The following TRMT9B variants were observed in gnomAD, a reference collection of about 807,000 sequenced individuals.
TRMT9B encodes tRNA methyltransferase 9B (putative).
In TRMT9B, 16 loss-of-function variants were observed where a neutral mutation model predicts 11.5. The observed-to-expected ratio is 1.39, with a 90% CI of 0.94 to 2.11. The LOEUF is 2.11. TRMT9B is among the 30% of genes most tolerant of loss of function. The pLI, the probability that TRMT9B is intolerant of heterozygous loss-of-function variation, is 0.00. For missense variants in TRMT9B, 941 were observed against 553.8 expected (o/e 1.70, Z -7.02); for synonymous variants, 274 against 192.4 (o/e 1.42, Z -3.51).
intron 2 of TRMT9B, among the ~76,000 whole-genome samples, chr8:12,997,884 C>G (rs1808654885): frequency 1.3e-5 from 2 of 152,176 alleles, no homozygotes; most frequent in Admixed American, 1.3e-4. Context: ...TTAGAACTCA[C>G]CGATTCCATG....
At chr8:12,950,182 A>T (rs922131208) in intron 1 of TRMT9B, among the ~76,000 whole-genome samples, 3 of 152,156 alleles carry the variant, frequency 2.0e-5, no homozygotes, top group Non-Finnish European at 4.4e-5. Context: ...TCTAAATCAG[A>T]CATTGGACAC....
chr8:12,991,008 T>C lies in TRMT9B; in HGVS notation c.-25T>C. The C allele has an allele frequency of 7.8e-7, 1 of 1,274,060 alleles. No individual in the cohort carries two copies. The highest frequency in any genetic ancestry group is 1.0e-6 in the Non-Finnish European group (1 of 980,004). The allele number at this position is 1,274,060 out of a possible 1,614,324, so 78.9% of individuals were successfully genotyped here. On this transcript the variant is annotated 5_prime_UTR_variant, in exon 2 of 5. Transcript: ENST00000524591. ...GATTCACAAAGACAAGAGGTAATTTTCCTGTAATCACAGGATGACTCAGGT... is the reference window on the plus strand; with the variant it reads ...GATTCACAAAGACAAGAGGTAATTTCCCTGTAATCACAGGATGACTCAGGT...
rs1457772302 is a variant in TRMT9B at position 12,967,872 on chromosome 8, A to G, written c.-200+21906A>G. Among the ~76,000 whole-genome samples, 3 of 152,332 alleles carry G rather than the reference A, an allele frequency of 2.0e-5. No individual in the cohort carries two copies. The East Asian group carries it at 5.8e-4, about 29-fold the overall frequency. On this transcript the variant is annotated intron_variant, in intron 1 of 4. Transcript: ENST00000524591. ...AAGGTCCTTATTATACAGCTGCTAA[A>G]AAAGAGAACAGTCTTCTAATTTGTT...
chr8:13,008,843 C>A (rs1427335974), intron 3 of TRMT9B, among the ~76,000 whole-genome samples: 1 of 152,168 alleles, frequency 6.6e-6, no homozygotes, highest in African/African-American at 2.4e-5. Flanking sequence ...ATTCTCCTGC[C>A]TCAGCCTCCC....
At chr8:13,006,469 A>G (rs1174355247) in intron 3 of TRMT9B, 113 bp downstream of exon 3, 1 of 1,566,020 alleles carries the variant, frequency 6.4e-7, no homozygotes, top group African/African-American at 1.3e-5. Context: ...CATTGCTGTC[A>G]TAGGTAACCC....
intron 2 of TRMT9B, among the ~76,000 whole-genome samples, chr8:12,995,746 C>G (rs1019322304): frequency 2.0e-5 from 3 of 152,098 alleles, no homozygotes; most frequent in Admixed American, 6.5e-5. Context: ...GATTAACCAT[C>G]CAGATACCAA....
intron 1 of TRMT9B, among the ~76,000 whole-genome samples, chr8:12,967,346 A>T (rs761178260): frequency 6.6e-6 from 1 of 152,194 alleles, no homozygotes; most frequent in Non-Finnish European, 1.5e-5. Context: ...TGACTTTGGG[A>T]CTATAGGTCT....
chr8:12,965,847 T>C (rs1802738260), intron 1 of TRMT9B, among the ~76,000 whole-genome samples: 2 of 149,224 alleles, frequency 1.3e-5, no homozygotes, highest in Non-Finnish European at 3.0e-5. Context: ...ACCCCATCTC[T>C]ACTAAATATA....
chr8:12,953,443 G>A (rs775375355), intron 1 of TRMT9B, among the ~76,000 whole-genome samples: 43 of 152,052 alleles, frequency 2.8e-4, no homozygotes, highest in Non-Finnish European at 5.0e-4. Context: ...TCCGTCTCCC[G>A]AGTTCAACCG....
intron 1 of TRMT9B, chr8:12,960,123 T>C (rs1042727896): frequency 6.6e-6 from 1 of 152,202 alleles, no homozygotes; most frequent in Non-Finnish European, 1.5e-5. Context: ...GTAATGTCCA[T>C]GCCTCTGGGA....
Position 13,022,989 on chromosome 8 carries a change from A to G in TRMT9B, c.*945A>G, listed in dbSNP as rs1201366479. ...CATAGCAAGACTCTGTCTCAAAATA[A>G]TAATAATAATAATAATAAAGGCGTT... On this transcript the variant is annotated 3_prime_UTR_variant, in exon 5 of 5. Transcript: ENST00000524591. The G allele has an allele frequency of 6.0e-6, 1 of 166,562 alleles. No homozygotes were observed. Among genetic ancestry groups the G allele is most frequent in the Non-Finnish European group, 1.5e-5 (1 of 68,084 alleles). The allele number at this position is 166,562 out of a possible 1,614,324, so 10.3% of individuals were successfully genotyped here.
At chr8:12,975,519 T>C (rs1390328359) in intron 1 of TRMT9B, among the ~76,000 whole-genome samples, 1 of 152,078 alleles carries the variant, frequency 6.6e-6, no homozygotes, top group African/African-American at 2.4e-5. Context: ...AGCAGATCAC[T>C]TGAGGCCAGG....
chr8:12,991,055 CA>C, intron 2 of TRMT9B, 24 bp downstream of exon 2: 1 of 1,146,592 alleles, frequency 8.7e-7, no homozygotes, highest in Non-Finnish European at 1.1e-6. Context: ...AGCGCTTCTG[CA>C]ACTCACATAC....
chr8:13,014,662 A>T (rs1229041225), intron 4 of TRMT9B, among the ~76,000 whole-genome samples: 3 of 152,186 alleles, frequency 2.0e-5, no homozygotes, highest in Non-Finnish European at 4.4e-5. Flanking sequence ...TCAGTCTATA[A>T]CCCGGAGAAA....
chr8:12,946,495 A>C (rs1490436724), intron 1 of TRMT9B, among the ~76,000 whole-genome samples: 1 of 152,208 alleles, frequency 6.6e-6, no homozygotes, highest in African/African-American at 2.4e-5. Flanking sequence ...ATTGTAGAAG[A>C]AAGAAAAGGG....
intron 3 of TRMT9B, chr8:13,012,019 T>C (rs1811697407): frequency 2.0e-6 from 2 of 985,352 alleles, no homozygotes. Context: ...CAAAATGAAA[T>C]ATGAATGTGA....
At chr8:12,995,356 A>C (rs1416275813) in intron 2 of TRMT9B, among the ~76,000 whole-genome samples, 1 of 152,222 alleles carries the variant, frequency 6.6e-6, no homozygotes, top group East Asian at 1.9e-4. Flanking sequence ...TTTGAGTGCT[A>C]ATTGGAGTAG....
In TRMT9B at chr8:13,027,808, A is replaced by AG. The variant is rs34068362; in HGVS notation, c.*5764_*5765insG. 0.41 allele frequency: 67,740 copies of AG among 166,824 alleles called. 14,742 individuals carry two copies. The highest frequency in any genetic ancestry group is 0.6 in the East Asian group (3,092 of 5,148). 10.3% of individuals were successfully genotyped at this position (166,824 alleles called of 1,614,324 possible). A position where few individuals can be genotyped will look rare whatever the true frequency, so the allele number is the denominator to read the frequency against. On this transcript the variant is annotated 3_prime_UTR_variant, in exon 5 of 5. Transcript: ENST00000524591. ...AAAACCACGGAAGTGGGAGGGAATC[A>AG]AGAAGCATTAACAGACCCTCCACCA...
intron 1 of TRMT9B, among the ~76,000 whole-genome samples, chr8:12,990,125 G>A (rs1006198784): frequency 3.9e-5 from 6 of 152,162 alleles, no homozygotes; most frequent in Non-Finnish European, 7.3e-5. Context: ...GTGGCAGTGT[G>A]GTGAACACAC....
Sources: gnomAD v4.1 joint callset for allele counts (sites outside exome capture counted in the v4.1 genomes callset) on GRCh38, gnomAD v4.1.1 for gene constraint, MANE v1.5 for transcripts, NCBI Gene and HGNC (gene_info 2026-07-23, HGNC 2026-07-21) for gene names.